Variants in ZNF804A observed in about 807,000 individuals in gnomAD.
The protein encoded by ZNF804A is zinc finger protein 804A.
In ZNF804A, 2 loss-of-function variants were observed where a neutral mutation model predicts 16.5. The ratio of observed to expected loss-of-function variants is 0.12; its 90% CI spans 0.05 to 0.38. The LOEUF is 0.38. ZNF804A is among the 10% of genes least tolerant of loss of function. ZNF804A has a pLI of 0.99. For synonymous variants in ZNF804A, 534 were observed against 489.6 expected (o/e 1.09, Z -1.20); for missense variants, 1,473 against 1,390.7 (o/e 1.06, Z -0.94).
At chr2:184,695,583 AT>A (rs1472662443) in intron 1 of ZNF804A, among the ~76,000 whole-genome samples, 2 of 150,474 alleles carry the variant, frequency 1.3e-5, no homozygotes, top group Non-Finnish European at 2.9e-5. Context: ...TGTTCAGCTA[AT>A]TTTTTTACAT....
At chr2:184,652,360 A>G (rs1310307020) in intron 1 of ZNF804A, among the ~76,000 whole-genome samples, 8 of 152,170 alleles carry the variant, frequency 5.3e-5, no homozygotes, top group East Asian at 1.9e-4. Context: ...GCATGGTGGT[A>G]TCATTCGTAC....
At chr2:184,610,046 A>G (rs1691211170) in intron 1 of ZNF804A, among the ~76,000 whole-genome samples, 2 of 152,174 alleles carry the variant, frequency 1.3e-5, no homozygotes, top group African/African-American at 2.4e-5. Context: ...TAATTCATTC[A>G]TAGGTTGATA....
rs1011738265 is a variant in ZNF804A at position 184,939,227 on chromosome 2, CT to C, written c.*202del. 9 of 571,782 alleles carry C rather than the reference CT, an allele frequency of 1.6e-5. No homozygotes were observed. In the Admixed American group the frequency reaches 3.0e-4, roughly 19 times the overall value. The allele number at this position is 571,782 out of a possible 1,614,324, so 35.4% of individuals were successfully genotyped here. ...TCTGATATATAATATTATTAAAGCACTGAATAGTTTGAAAATCAATACAATA... is the reference window on the plus strand; with the variant it reads ...TCTGATATATAATATTATTAAAGCACGAATAGTTTGAAAATCAATACAATA... On this transcript the variant is annotated 3_prime_UTR_variant, in exon 4 of 4. Coordinates refer to ENST00000302277, the MANE Select transcript of ZNF804A (RefSeq NM_194250.2).
At chr2:184,702,791 T>A (rs1664731282) in intron 1 of ZNF804A, among the ~76,000 whole-genome samples, 1 of 152,116 alleles carries the variant, frequency 6.6e-6, no homozygotes, top group African/African-American at 2.4e-5. Flanking sequence ...TTTTATGGAG[T>A]CACGTTTACA....
Position 184,859,752 on chromosome 2 carries a change from G to C in ZNF804A, c.112-6617G>C, listed in dbSNP as rs151279560. ...TCTTTGTCTGGGAAACCCTACTTCA[G>C]TCAGTCTGTCCAGAGATTCTGAGCA... is the stretch of plus-strand genomic sequence containing the variant. On this transcript the variant is annotated intron_variant, in intron 1 of 3. Transcript: ENST00000302277. Among the ~76,000 whole-genome samples, 20 of 152,336 alleles carry C rather than the reference G, an allele frequency of 1.3e-4. No individual in the cohort carries two copies. The East Asian group carries it at 3.9e-3, about 29-fold the overall frequency.
Position 184,937,801 on chromosome 2 carries a change from C to T in ZNF804A, c.2405C>T (p.Ser802Leu), listed in dbSNP as rs1685818012. The part of the protein sequence containing the change: ...PEEFLRPPST[S>L]VAPCKPKKKR... ...GAATTTTTGAGGCCACCAAGTACTT[C>T]AGTTGCTCCCTGCAAGCCTAAAAAG... The change falls in exon 4 of 4, where the codon TCA (serine) becomes TTA (leucine). Residue 802 changes from serine (S) to leucine (L), a missense_variant. Coordinates refer to ENST00000302277, the MANE Select transcript of ZNF804A (RefSeq NM_194250.2). 1.9e-6 allele frequency: 3 copies of T among 1,614,084 alleles called. No homozygotes were observed. The highest frequency in any genetic ancestry group is 2.5e-6 in the Non-Finnish European group (3 of 1,179,986).
chr2:184,732,252 A>AT (rs35367367), intron 1 of ZNF804A, among the ~76,000 whole-genome samples: 80,472 of 149,064 alleles, frequency 0.54, 23,920 homozygotes, highest in South Asian at 0.72. Context: ...GTTTAAACTC[A>AT]TTTTTTTTTT....
intron 1 of ZNF804A, among the ~76,000 whole-genome samples, chr2:184,702,311 GAT>G (rs1387206071): frequency 1.3e-5 from 2 of 151,962 alleles, no homozygotes; most frequent in Non-Finnish European, 2.9e-5. Context: ...ATGCTATAGA[GAT>G]ATGAATTTAC....
intron 1 of ZNF804A, among the ~76,000 whole-genome samples, chr2:184,770,507 G>A (rs1341490196): frequency 6.9e-6 from 1 of 144,496 alleles, no homozygotes; most frequent in Non-Finnish European, 1.5e-5. Flanking sequence ...GACTACCTAT[G>A]TGAGTAGTTT....
At chr2:184,781,867 G>A (rs1003259893) in intron 1 of ZNF804A, among the ~76,000 whole-genome samples, 2 of 151,782 alleles carry the variant, frequency 1.3e-5, no homozygotes, top group Admixed American at 6.6e-5. Flanking sequence ...CCACCGACTG[G>A]CTTAAAGAAC....
intron 1 of ZNF804A, among the ~76,000 whole-genome samples, chr2:184,657,995 T>C (rs1692109062): frequency 6.6e-6 from 1 of 152,240 alleles, no homozygotes; most frequent in South Asian, 2.1e-4. Context: ...AAATTGTTCA[T>C]TAGTGTTGGA....
chr2:184,929,606 A>G (rs1266194988), intron 2 of ZNF804A, among the ~76,000 whole-genome samples: 1 of 152,178 alleles, frequency 6.6e-6, no homozygotes, highest in Non-Finnish European at 1.5e-5. Context: ...CTAAAGAACC[A>G]GTAGGAAATA....
In ZNF804A at chr2:184,935,858, A is replaced by T; in HGVS notation, c.462A>T (p.Arg154=). The T allele has an allele frequency of 6.2e-7, 1 of 1,613,736 alleles. No homozygotes were observed. The highest frequency in any genetic ancestry group is 1.1e-5 in the South Asian group (1 of 91,062). The change falls in exon 4 of 4, where the codon CGA becomes CGT. Residue 154 remains arginine, a synonymous_variant. Coordinates refer to ENST00000302277, the MANE Select transcript of ZNF804A (RefSeq NM_194250.2). ...AAAACTGTAATGAAATTTCCCAACG[A>T]GTTGTTGTGGATTCAGTTAATAACC... ...VRENCNEISQ[R]VVVDSVNNQQ... is the part of the protein sequence containing the mutation.
intron 1 of ZNF804A, among the ~76,000 whole-genome samples, chr2:184,847,310 T>C (rs1045249232): frequency 1.3e-5 from 2 of 152,092 alleles, no homozygotes; most frequent in African/African-American, 4.8e-5. Context: ...TCTAAATGCG[T>C]GTTTTTAGTA....
intron 1 of ZNF804A, among the ~76,000 whole-genome samples, chr2:184,625,451 T>C (rs910946392): frequency 2.6e-5 from 4 of 152,144 alleles, no homozygotes; most frequent in Non-Finnish European, 4.4e-5. Context: ...TGGATCTATG[T>C]TTTCAGTGTA....
chr2:184,657,480 T>A (rs1692098623), intron 1 of ZNF804A, among the ~76,000 whole-genome samples: 1 of 152,188 alleles, frequency 6.6e-6, no homozygotes, highest in African/African-American at 2.4e-5. Context: ...TGGGGCTTTT[T>A]GTTTTTTGAC....
At chr2:184,933,250 A>G (rs1252364030) in intron 2 of ZNF804A, among the ~76,000 whole-genome samples, 1 of 152,174 alleles carries the variant, frequency 6.6e-6, no homozygotes, top group Non-Finnish European at 1.5e-5. Context: ...TACATAAGCA[A>G]TAAGCAAGTT....
intron 2 of ZNF804A, among the ~76,000 whole-genome samples, chr2:184,874,696 C>T (rs1488385266): frequency 6.6e-6 from 1 of 152,094 alleles, no homozygotes; most frequent in African/African-American, 2.4e-5. Flanking sequence ...AATCAAAAGG[C>T]AGTGGCATAT....
intron 1 of ZNF804A, among the ~76,000 whole-genome samples, chr2:184,791,358 G>A (rs34327168): frequency 0.14 from 21,071 of 152,058 alleles, 1,576 homozygotes; most frequent in Middle Eastern, 0.23. Flanking sequence ...CAGTGTAGTG[G>A]TGACAACTCT....
Sources: gnomAD v4.1 joint callset for allele counts (sites outside exome capture counted in the v4.1 genomes callset) on GRCh38, gnomAD v4.1.1 for gene constraint, MANE v1.5 for transcripts, NCBI Gene and HGNC (gene_info 2026-07-23, HGNC 2026-07-21) for gene names.